The following IQGAP2 variants were observed in gnomAD, a reference collection of about 807,000 sequenced individuals.
The protein encoded by IQGAP2 is IQ motif containing GTPase activating protein 2, also known as ras GTPase-activating-like protein IQGAP2.
IQGAP2 carries 173 observed loss-of-function variants against 201.3 expected under a neutral mutation model. That is an observed-to-expected ratio of 0.86 (90% CI 0.76 to 0.98). The LOEUF is 0.98. Ranked by LOEUF, IQGAP2 falls within the 50% of genes least tolerant of loss-of-function variation. The pLI is 0.00. For synonymous variants in IQGAP2, 675 were observed against 673.9 expected (o/e 1.00, Z -0.03); for missense variants, 1,687 against 1,864.8 (o/e 0.90, Z 1.76).
intron 2 of IQGAP2, among the ~76,000 whole-genome samples, chr5:76,531,826 G>T (rs1355584450): frequency 6.6e-6 from 1 of 152,170 alleles, no homozygotes; most frequent in East Asian, 1.9e-4. Context: ...ATAACAAAAT[G>T]TCATAAACTG....
intron 2 of IQGAP2, among the ~76,000 whole-genome samples, chr5:76,483,141 G>A (rs1407964763): frequency 1.3e-5 from 2 of 152,182 alleles, no homozygotes; most frequent in African/African-American, 4.8e-5. Flanking sequence ...AAGAATGTGC[G>A]CCTTCAGCTG....
intron 21 of IQGAP2, among the ~76,000 whole-genome samples, chr5:76,664,423 G>A (rs913975786): frequency 7.2e-5 from 11 of 152,190 alleles, no homozygotes; most frequent in South Asian, 2.1e-4. Flanking sequence ...GGTGGCTTAC[G>A]CCTGTAATCC....
At chr5:76,494,931 C>T (rs1450141823) in intron 2 of IQGAP2, among the ~76,000 whole-genome samples, 1 of 152,084 alleles carries the variant, frequency 6.6e-6, no homozygotes, top group Non-Finnish European at 1.5e-5. Flanking sequence ...TTTTTAAATT[C>T]CCAGCTGGAA....
intron 2 of IQGAP2, among the ~76,000 whole-genome samples, chr5:76,486,648 A>T (rs1048929724): frequency 4.6e-5 from 7 of 151,412 alleles, no homozygotes; most frequent in African/African-American, 1.5e-4. Context: ...TTTTTTTTTT[A>T]AAAAAGGATT....
chr5:76,621,465 C>T (rs1580640276), intron 13 of IQGAP2, among the ~76,000 whole-genome samples: 1 of 152,314 alleles, frequency 6.6e-6, no homozygotes, highest in Admixed American at 6.5e-5. Flanking sequence ...TGGAAAAGTT[C>T]TTGCATCTGA....
intron 1 of IQGAP2, among the ~76,000 whole-genome samples, chr5:76,442,504 C>T (rs182679206): frequency 4.6e-5 from 7 of 152,260 alleles, no homozygotes; most frequent in African/African-American, 1.4e-4. Flanking sequence ...CTTTATCACA[C>T]GAAGTAAACC....
intron 2 of IQGAP2, among the ~76,000 whole-genome samples, chr5:76,462,485 A>G (rs768220003): frequency 2.0e-5 from 3 of 152,190 alleles, no homozygotes; most frequent in Non-Finnish European, 4.4e-5. Flanking sequence ...TTTCCTCATG[A>G]GAGGAATTGA....
intron 13 of IQGAP2, among the ~76,000 whole-genome samples, chr5:76,626,894 G>A (rs1474231217): frequency 6.6e-6 from 1 of 152,178 alleles, no homozygotes; most frequent in African/African-American, 2.4e-5. Context: ...TGGTCTGAAA[G>A]AGACTCGTGT....
chr5:76,554,443 T>G (rs928740573), intron 2 of IQGAP2, among the ~76,000 whole-genome samples: 1 of 152,162 alleles, frequency 6.6e-6, no homozygotes, highest in Non-Finnish European at 1.5e-5. Context: ...ATACTGAATA[T>G]GTAAGGAACT....
intron 12 of IQGAP2, among the ~76,000 whole-genome samples, chr5:76,609,552 A>G (rs1414850403): frequency 1.3e-5 from 2 of 152,172 alleles, no homozygotes; most frequent in Non-Finnish European, 2.9e-5. Flanking sequence ...AGAAATATTT[A>G]GCTAAATATT....
chr5:76,592,643 T>G (rs3736395), intron 8 of IQGAP2, among the ~76,000 whole-genome samples, 195 bp from the exon 9 acceptor site: 24,107 of 152,144 alleles, frequency 0.16, 2,074 homozygotes, highest in Admixed American at 0.28. Flanking sequence ...TCACCGGGTC[T>G]GTCATTCATC....
chr5:76,541,193 T>A (rs1742746468), intron 2 of IQGAP2, among the ~76,000 whole-genome samples: 1 of 151,662 alleles, frequency 6.6e-6, no homozygotes, highest in African/African-American at 2.4e-5. Flanking sequence ...CTATTCCCCC[T>A]CCTCCTAGCC....
intron 1 of IQGAP2, among the ~76,000 whole-genome samples, chr5:76,421,335 T>C (rs1466232225): frequency 6.6e-6 from 1 of 151,960 alleles, no homozygotes; most frequent in East Asian, 1.9e-4. Flanking sequence ...CTGTGGCAGC[T>C]GGGTGCAGTG....
At chr5:76,447,725 G>A (rs115475949) in intron 1 of IQGAP2, among the ~76,000 whole-genome samples, 143 of 152,274 alleles carry the variant, frequency 9.4e-4, no homozygotes, top group African/African-American at 3.2e-3. Flanking sequence ...GGAGCTGCTG[G>A]TATGCAGACC....
At chr5:76,419,209 C>T (rs1355603930) in intron 1 of IQGAP2, among the ~76,000 whole-genome samples, 1 of 152,098 alleles carries the variant, frequency 6.6e-6, no homozygotes, top group East Asian at 1.9e-4. Flanking sequence ...ATGATATTGG[C>T]TCACTTCAGC....
chr5:76,698,564 T>C lies in IQGAP2; in HGVS notation c.4367+417T>C, dbSNP rs117524475. On this transcript the variant is annotated intron_variant, in intron 33 of 35. Coordinates refer to ENST00000274364, the MANE Select transcript of IQGAP2 (RefSeq NM_006633.5). ...AATTGCACAGAGCAGCTGAATGTTT[T>C]TAAATTGCTTCATGGTTTTAAAAAA... Among the ~76,000 whole-genome samples the C allele has an allele frequency of 6.6e-4, 101 of 152,320 alleles. 3 individuals are homozygous for C. The East Asian group carries it at 0.016, about 24-fold the overall frequency.
intron 14 of IQGAP2, among the ~76,000 whole-genome samples, chr5:76,631,611 A>C (rs1001771624): frequency 1.2e-4 from 19 of 152,174 alleles, no homozygotes; most frequent in African/African-American, 4.3e-4. Flanking sequence ...TAGTGCCTTC[A>C]TACCACATAT....
intron 17 of IQGAP2, among the ~76,000 whole-genome samples, chr5:76,650,274 A>T (rs1362640299): frequency 6.6e-6 from 1 of 152,226 alleles, no homozygotes; most frequent in African/African-American, 2.4e-5. Flanking sequence ...GTGTACAATG[A>T]TGGGGTATGT....
intron 6 of IQGAP2, 104 bp from the exon 7 acceptor site, chr5:76,589,511 C>A: frequency 1.6e-6 from 1 of 615,186 alleles, no homozygotes; most frequent in Non-Finnish European, 2.7e-6. Context: ...AACAACCCCA[C>A]TTCCTGATGA....
Sources: gnomAD v4.1 joint callset for allele counts (sites outside exome capture counted in the v4.1 genomes callset) on GRCh38, gnomAD v4.1.1 for gene constraint, MANE v1.5 for transcripts, NCBI Gene and HGNC (gene_info 2026-07-23, HGNC 2026-07-21) for gene names.